KCNIP4: variants seen among roughly 807,000 people sequenced by gnomAD.
KCNIP4 encodes the protein potassium voltage-gated channel interacting protein 4.
In KCNIP4, 12 loss-of-function variants were observed where a neutral mutation model predicts 34.0. The ratio of observed to expected loss-of-function variants is 0.35; its 90% CI spans 0.23 to 0.57. KCNIP4 has a LOEUF of 0.57. Ranked by LOEUF, KCNIP4 falls within the 20% of genes least tolerant of loss-of-function variation. The probability of loss-of-function intolerance (pLI) is 0.83; values close to 1 mark genes in which losing one functional copy is unlikely to be tolerated. For missense variants in KCNIP4, 238 were observed against 311.7 expected (o/e 0.76, Z 1.78); for synonymous variants, 124 against 102.2 (o/e 1.21, Z -1.29).
intron 1 of KCNIP4, among the ~76,000 whole-genome samples, chr4:21,577,241 T>G (rs1217009093): frequency 6.6e-6 from 1 of 152,146 alleles, no homozygotes; most frequent in African/African-American, 2.4e-5. Context: ...TGGACAGCAA[T>G]AGTAATCTCT....
At chr4:21,683,661 A>C (rs111626284) in intron 1 of KCNIP4, among the ~76,000 whole-genome samples, 1 of 151,164 alleles carries the variant, frequency 6.6e-6, no homozygotes, top group African/African-American at 2.4e-5. Flanking sequence ...AGTAGAGATG[A>C]GGTGGTGAAG....
chr4:21,948,466 A>G (rs942041718), intron 1 of KCNIP4, 105 bp downstream of exon 1: 17 of 1,257,156 alleles, frequency 1.4e-5, no homozygotes, highest in Non-Finnish European at 1.9e-5. Context: ...CATGCAGCGA[A>G]GGCAACAAGC....
chr4:21,011,201 AT>A (rs1739037512), intron 1 of KCNIP4, among the ~76,000 whole-genome samples: 1 of 152,206 alleles, frequency 6.6e-6, no homozygotes, highest in Non-Finnish European at 1.5e-5. Context: ...GCCCCACAAC[AT>A]GATTCTTACT....
At chr4:21,149,670 T>A (rs1360168646) in intron 1 of KCNIP4, among the ~76,000 whole-genome samples, 1 of 152,104 alleles carries the variant, frequency 6.6e-6, no homozygotes, top group Non-Finnish European at 1.5e-5. Flanking sequence ...AGAATCCCTG[T>A]TAGGAAGGAA....
At chr4:21,644,470 AATAAGAC>A (rs1351305564) in intron 1 of KCNIP4, among the ~76,000 whole-genome samples, 1 of 152,232 alleles carries the variant, frequency 6.6e-6, no homozygotes, top group African/African-American at 2.4e-5. Flanking sequence ...TAATCTTGGC[AATAAGAC>A]TTCCATTTCC....
At chr4:21,198,445 G>A (rs1756218448) in intron 1 of KCNIP4, among the ~76,000 whole-genome samples, 1 of 152,186 alleles carries the variant, frequency 6.6e-6, no homozygotes. Flanking sequence ...ATTGAGTGCT[G>A]TGTCACTGTG....
chr4:20,912,695 C>G (rs904471164), intron 1 of KCNIP4, among the ~76,000 whole-genome samples: 2 of 152,076 alleles, frequency 1.3e-5, no homozygotes, highest in African/African-American at 4.8e-5. Context: ...AATAAAAAGA[C>G]AAACAACCTA....
intron 1 of KCNIP4, among the ~76,000 whole-genome samples, chr4:21,648,329 A>T (rs1241711652): frequency 6.6e-6 from 1 of 152,180 alleles, no homozygotes; most frequent in Non-Finnish European, 1.5e-5. Flanking sequence ...GTATGTGGCA[A>T]GTGTTTTAAT....
intron 4 of KCNIP4, among the ~76,000 whole-genome samples, chr4:20,750,175 A>G (rs1355409341): frequency 2.0e-5 from 3 of 152,230 alleles, no homozygotes; most frequent in African/African-American, 7.2e-5. Flanking sequence ...CATCATTGTT[A>G]CAACTCAGAA....
At chr4:21,641,141 G>A (rs1366786779) in intron 1 of KCNIP4, among the ~76,000 whole-genome samples, 1 of 152,304 alleles carries the variant, frequency 6.6e-6, no homozygotes, top group East Asian at 1.9e-4. Context: ...CCAAGAAGTG[G>A]TATATATGTG....
chr4:20,731,405 C>A, intron 8 of KCNIP4: 1 of 985,348 alleles, frequency 1.0e-6, no homozygotes, highest in Non-Finnish European at 1.2e-6. Flanking sequence ...TCTGCCCACA[C>A]ATCAAGTCAA....
chr4:20,922,053 A>C (rs906389528), intron 1 of KCNIP4, among the ~76,000 whole-genome samples: 1 of 152,218 alleles, frequency 6.6e-6, no homozygotes, highest in Non-Finnish European at 1.5e-5. Context: ...GCATCAGTTA[A>C]ATAACAGTAG....
At chr4:21,696,142 A>G (rs1213972497) in intron 1 of KCNIP4, among the ~76,000 whole-genome samples, 1 of 152,146 alleles carries the variant, frequency 6.6e-6, no homozygotes, top group Admixed American at 6.5e-5. Flanking sequence ...GATGTTAACA[A>G]TCCTCTTAAT....
intron 1 of KCNIP4, among the ~76,000 whole-genome samples, chr4:21,152,104 T>C (rs1319292732): frequency 6.6e-6 from 1 of 151,952 alleles, no homozygotes; most frequent in Non-Finnish European, 1.5e-5. Context: ...AATACAAAAA[T>C]TAGCCAGGCA....
At chr4:21,611,455 C>T (rs1034763915) in intron 1 of KCNIP4, among the ~76,000 whole-genome samples, 1 of 152,060 alleles carries the variant, frequency 6.6e-6, no homozygotes, top group Non-Finnish European at 1.5e-5. Context: ...AAGTCTCTCC[C>T]TAGATACATG....
intron 1 of KCNIP4, among the ~76,000 whole-genome samples, chr4:21,067,322 A>G (rs895187049): frequency 6.6e-6 from 1 of 152,012 alleles, no homozygotes; most frequent in African/African-American, 2.4e-5. Flanking sequence ...GACCCAGCAC[A>G]TTCCTGGCTG....
chr4:21,696,196 CAGTT>C (rs1421985429), intron 1 of KCNIP4, among the ~76,000 whole-genome samples: 2 of 152,116 alleles, frequency 1.3e-5, no homozygotes, highest in Non-Finnish European at 2.9e-5. Flanking sequence ...ATTTGATTGT[CAGTT>C]ACTCTCTTAA....
chr4:21,420,483 G>A (rs778752098), intron 1 of KCNIP4, among the ~76,000 whole-genome samples: 1 of 152,146 alleles, frequency 6.6e-6, no homozygotes, highest in African/African-American at 2.4e-5. Context: ...TTGCTGAAAA[G>A]CATTCAATAT....
At chr4:21,390,192 C>T (rs908660335) in intron 1 of KCNIP4, among the ~76,000 whole-genome samples, 10 of 151,972 alleles carry the variant, frequency 6.6e-5, no homozygotes, top group Non-Finnish European at 1.3e-4. Context: ...TTTGTAGATT[C>T]TGGATATTAG....
Sources: gnomAD v4.1 joint callset for allele counts (sites outside exome capture counted in the v4.1 genomes callset) on GRCh38, gnomAD v4.1.1 for gene constraint, MANE v1.5 for transcripts, NCBI Gene and HGNC (gene_info 2026-07-23, HGNC 2026-07-21) for gene names.